PEMT: variants seen among roughly 807,000 people sequenced by gnomAD.
PEMT encodes phospholipid methyltransferase.
In PEMT, 23 loss-of-function variants were observed where a neutral mutation model predicts 27.4. The ratio of observed to expected loss-of-function variants is 0.84; its 90% CI spans 0.60 to 1.19. The LOEUF (loss-of-function observed/expected upper bound fraction) is 1.19, where lower values mean the gene tolerates loss of function less well. Ranked by LOEUF, PEMT falls within the 50% of genes most tolerant of loss-of-function variation. The pLI, the probability that PEMT is intolerant of heterozygous loss-of-function variation, is 0.00. For missense variants in PEMT, 307 were observed against 310.1 expected, an observed-to-expected ratio of 0.99 and a Z score of 0.07; for synonymous variants, 137 against 139.1, an observed-to-expected ratio of 0.98 and a Z score of 0.11.
At chr17:17,574,686 A>G (rs1416041425) in intron 2 of PEMT, among the ~76,000 whole-genome samples, 1 of 152,138 alleles carries the variant, frequency 6.6e-6, no homozygotes, top group Non-Finnish European at 1.5e-5. Context: ...AATGAACTTC[A>G]CTTTAAAAAC....
chr17:17,564,531 A>T (rs1910697840), intron 2 of PEMT, among the ~76,000 whole-genome samples: 1 of 152,144 alleles, frequency 6.6e-6, no homozygotes. Context: ...GAACAGAATT[A>T]CACATAATAA....
chr17:17,516,499 C>T (rs1906847202), intron 3 of PEMT, among the ~76,000 whole-genome samples: 1 of 152,118 alleles, frequency 6.6e-6, no homozygotes, highest in South Asian at 2.1e-4. Context: ...GGCAGGATGG[C>T]TCTCCTGCCT....
chr17:17,586,729 G>A (rs1352848714), intron 1 of PEMT, among the ~76,000 whole-genome samples: 3 of 152,154 alleles, frequency 2.0e-5, no homozygotes, highest in Admixed American at 6.6e-5. Flanking sequence ...GTGGCTGGGC[G>A]CAGTGGCTCA....
chr17:17,553,194 T>C (rs888240695), intron 2 of PEMT, among the ~76,000 whole-genome samples: 5 of 152,066 alleles, frequency 3.3e-5, no homozygotes, highest in Non-Finnish European at 7.4e-5. Flanking sequence ...GGCCCCAAAG[T>C]TTGGGGCAGG....
intron 1 of PEMT, among the ~76,000 whole-genome samples, chr17:17,586,593 T>A (rs1470226999): frequency 1.3e-5 from 2 of 152,120 alleles, no homozygotes; most frequent in African/African-American, 2.4e-5. Context: ...CATTTTGAAC[T>A]GAATGAAAAT....
intron 2 of PEMT, among the ~76,000 whole-genome samples, chr17:17,534,601 C>T (rs1908325849): frequency 6.6e-6 from 1 of 152,176 alleles, no homozygotes; most frequent in South Asian, 2.1e-4. Flanking sequence ...CTTTGGGAGG[C>T]CAAGGCAGGA....
intron 2 of PEMT, among the ~76,000 whole-genome samples, chr17:17,559,072 C>T (rs576572890): frequency 1.1e-3 from 169 of 152,324 alleles, no homozygotes; most frequent in African/African-American, 3.7e-3. Flanking sequence ...TTCACCCCGT[C>T]GCAGCTTCTT....
chr17:17,527,225 C>T (rs1021457741), intron 2 of PEMT, among the ~76,000 whole-genome samples: 3 of 152,130 alleles, frequency 2.0e-5, no homozygotes, highest in Non-Finnish European at 4.4e-5. Context: ...TTAGTAGAGA[C>T]GGGATTTCTC....
intron 2 of PEMT, chr17:17,565,413 C>G (rs991116718): frequency 1.3e-5 from 2 of 152,548 alleles, no homozygotes; most frequent in African/African-American, 4.8e-5. Flanking sequence ...GGGAAACTCC[C>G]CTGGAACAGA....
At chr17:17,506,575 T>G (rs1269317818) in intron 5 of PEMT, among the ~76,000 whole-genome samples, 1 of 152,208 alleles carries the variant, frequency 6.6e-6, no homozygotes, top group Non-Finnish European at 1.5e-5. Flanking sequence ...TGCTCACTCT[T>G]TCCGGGTCTC....
chr17:17,586,292 A>AAAGAAAGAAAGAAAGAAAGAAAG (rs1567759756), intron 1 of PEMT, among the ~76,000 whole-genome samples: 2 of 107,160 alleles, frequency 1.9e-5, no homozygotes, highest in African/African-American at 5.5e-5. Context: ...AAGAAAGAAA[A>AAAGAAAGAAAGAAAGAAAGAAAG]AAAAAAACGC....
At chr17:17,506,847 G>A (rs1051915251) in intron 5 of PEMT, 6 of 388,942 alleles carry the variant, frequency 1.5e-5, no homozygotes, top group Admixed American at 1.2e-4. Flanking sequence ...GGGGAAGGGG[G>A]CTTAGGAGCT....
intron 1 of PEMT, among the ~76,000 whole-genome samples, chr17:17,588,659 T>C (rs1912444835): frequency 6.6e-6 from 1 of 152,238 alleles, no homozygotes; most frequent in East Asian, 1.9e-4. Flanking sequence ...ACCTGAGACC[T>C]GGGCATGTGC....
intron 2 of PEMT, among the ~76,000 whole-genome samples, chr17:17,526,151 C>G (rs1197886163): frequency 6.6e-6 from 1 of 152,176 alleles, no homozygotes; most frequent in African/African-American, 2.4e-5. Flanking sequence ...CTCCCACACC[C>G]TGGCAAGGAG....
chr17:17,522,458 G>T, intron 2 of PEMT, 63 bp from the exon 3 acceptor site: 1 of 1,002,008 alleles, frequency 1.0e-6, no homozygotes, highest in Non-Finnish European at 1.6e-6. Context: ...GTGGGGGTGG[G>T]GAGCACATGC....
At chr17:17,558,681 C>T (rs545088092) in intron 2 of PEMT, among the ~76,000 whole-genome samples, 289 of 61,066 alleles carry the variant, frequency 4.7e-3, no homozygotes, top group African/African-American at 0.023. Context: ...ACCAGTCTCA[C>T]GAAAAAAAAA....
chr17:17,557,862 C>A (rs531449121), intron 2 of PEMT, among the ~76,000 whole-genome samples: 1 of 152,312 alleles, frequency 6.6e-6, no homozygotes, highest in Admixed American at 6.5e-5. Flanking sequence ...GCCGGCCTCA[C>A]CCTCCCCAGG....
intron 1 of PEMT, among the ~76,000 whole-genome samples, chr17:17,589,213 T>C (rs1912473674): frequency 6.6e-6 from 1 of 152,026 alleles, no homozygotes; most frequent in African/African-American, 2.4e-5. Context: ...CCACCTGCTT[T>C]GGCCTCCCAG....
At chr17:17,578,523 T>G (rs1340306639) in intron 1 of PEMT, 1 of 152,036 alleles carries the variant, frequency 6.6e-6, no homozygotes, top group African/African-American at 2.4e-5. Context: ...TAAAAATAAA[T>G]TAAAATAAAA....
Sources: gnomAD v4.1 joint callset for allele counts (sites outside exome capture counted in the v4.1 genomes callset) on GRCh38, gnomAD v4.1.1 for gene constraint, MANE v1.5 for transcripts, NCBI Gene and HGNC (gene_info 2026-07-23, HGNC 2026-07-21) for gene names.